Variants in NRG3 observed in about 807,000 individuals in gnomAD.
NRG3 encodes the protein neuregulin 3.
Under a neutral mutation model 66.9 loss-of-function variants are expected in NRG3, and 31 were observed. The observed-to-expected ratio is 0.46, with a 90% CI of 0.35 to 0.63. The LOEUF (loss-of-function observed/expected upper bound fraction) is 0.63, where lower values mean the gene tolerates loss of function less well. Ranked by LOEUF, NRG3 falls within the 20% of genes least tolerant of loss-of-function variation. The pLI, the probability that NRG3 is intolerant of heterozygous loss-of-function variation, is 0.00. For missense variants in NRG3, 910 were observed against 878.9 expected (o/e 1.04, Z -0.45); for synonymous variants, 393 against 359.4 (o/e 1.09, Z -1.06).
chr10:82,233,034 G>T (rs532529771), intron 1 of NRG3: 21 of 522,212 alleles, frequency 4.0e-5, no homozygotes, highest in African/African-American at 3.2e-4. Flanking sequence ...CTCTGGGTTG[G>T]TTAGTTTGCG....
intron 1 of NRG3, among the ~76,000 whole-genome samples, chr10:82,306,264 A>T (rs1333789973): frequency 6.6e-6 from 1 of 152,196 alleles, no homozygotes; most frequent in Non-Finnish European, 1.5e-5. Flanking sequence ...GGGCTTTCAC[A>T]TTACAATTAT....
At chr10:82,418,376 AAATTAACCAGTTTATGCAAATGTTTATGC>A (rs1457880344) in intron 2 of NRG3, among the ~76,000 whole-genome samples, 4 of 145,754 alleles carry the variant, frequency 2.7e-5, no homozygotes, top group Non-Finnish European at 4.6e-5. Flanking sequence ...ATGTAATAAA[AAATTAACCAGTTTATGCAAATGTTTATGC>A]AAATTAACCA....
chr10:82,384,454 A>T (rs1564862168), intron 2 of NRG3, among the ~76,000 whole-genome samples: 1 of 152,014 alleles, frequency 6.6e-6, no homozygotes, highest in Non-Finnish European at 1.5e-5. Context: ...TGACAGGCCC[A>T]AGTGTGTGTT....
chr10:82,439,910 T>C (rs1200607943), intron 2 of NRG3, among the ~76,000 whole-genome samples: 2 of 152,062 alleles, frequency 1.3e-5, no homozygotes, highest in African/African-American at 4.8e-5. Context: ...TTATTGTTGT[T>C]ACTTTAGCTA....
intron 2 of NRG3, among the ~76,000 whole-genome samples, chr10:82,483,781 G>A (rs780633377): frequency 4.6e-5 from 7 of 152,170 alleles, no homozygotes; most frequent in Non-Finnish European, 1.0e-4. Context: ...GCACCTGAGC[G>A]TCCTGGTGGA....
In NRG3 at chr10:82,958,983, G is replaced by A. The variant is rs1483271224; in HGVS notation, c.1192G>A (p.Val398Met). The A allele has an allele frequency of 1.5e-5, 24 of 1,604,550 alleles. No homozygotes were observed. Among genetic ancestry groups the A allele is most frequent in the Middle Eastern group, 1.7e-4 (1 of 5,986 alleles). Residue 398 changes from valine to methionine, a missense_variant, in exon 6 of 9, where the codon GTG becomes ATG. Val to Met is a conservative substitution (Grantham distance 21). Transcript: ENST00000372141. ...TAAACAAATCCAAGAGCAGCTGAAA[G>A]TGCCACAAAATGGTAAAAGCTACAG... ...QAKQIQEQLK[V>M]PQNGKSYSLK...
At chr10:82,827,783 A>C (rs1384190413) in intron 3 of NRG3, among the ~76,000 whole-genome samples, 1 of 152,248 alleles carries the variant, frequency 6.6e-6, no homozygotes, top group East Asian at 1.9e-4. Flanking sequence ...AGACAAAAAC[A>C]GAATAAAGTG....
intron 2 of NRG3, among the ~76,000 whole-genome samples, chr10:82,597,919 CAAAA>C (rs113523358): frequency 1.6e-5 from 2 of 128,532 alleles, no homozygotes; most frequent in African/African-American, 2.8e-5. Context: ...GACTCCCTCT[CAAAA>C]AAAAAAAAAA....
chr10:81,905,592 G>C (rs1844525833), intron 1 of NRG3, among the ~76,000 whole-genome samples: 1 of 152,202 alleles, frequency 6.6e-6, no homozygotes, highest in Non-Finnish European at 1.5e-5. Context: ...CATAACTTGA[G>C]AGACCTGGAC....
At chr10:82,329,212 G>C (rs1011354150) in intron 1 of NRG3, among the ~76,000 whole-genome samples, 2 of 152,106 alleles carry the variant, frequency 1.3e-5, no homozygotes, top group Non-Finnish European at 2.9e-5. Flanking sequence ...ACTTTATTGA[G>C]GAGCTGTCAA....
intron 3 of NRG3, among the ~76,000 whole-genome samples, chr10:82,862,553 A>T (rs1358004760): frequency 6.6e-6 from 1 of 152,136 alleles, no homozygotes; most frequent in Non-Finnish European, 1.5e-5. Flanking sequence ...TTTTATGAAT[A>T]TGTCTGTACA....
chr10:82,488,277 G>A (rs10787150), intron 2 of NRG3, among the ~76,000 whole-genome samples: 95,812 of 151,870 alleles, frequency 0.63, 32,218 homozygotes, highest in South Asian at 0.79. Context: ...ACTCTTCACA[G>A]CCATCTTCCA....
intron 1 of NRG3, among the ~76,000 whole-genome samples, chr10:81,970,010 G>A (rs1050509874): frequency 2.6e-5 from 4 of 152,046 alleles, no homozygotes; most frequent in Admixed American, 6.6e-5. Context: ...CTATCATAGT[G>A]TAAGACATAT....
At chr10:82,140,337 G>C (rs929920094) in intron 1 of NRG3, among the ~76,000 whole-genome samples, 1 of 152,054 alleles carries the variant, frequency 6.6e-6, no homozygotes, top group African/African-American at 2.4e-5. Context: ...CAACTCCAGG[G>C]CAGAGGATCC....
At chr10:82,794,602 T>A (rs536570512) in intron 3 of NRG3, among the ~76,000 whole-genome samples, 1 of 152,280 alleles carries the variant, frequency 6.6e-6, no homozygotes, top group African/African-American at 2.4e-5. Context: ...AGCATGTTAA[T>A]TGTAGGCACT....
intron 2 of NRG3, among the ~76,000 whole-genome samples, chr10:82,688,857 T>A (rs1479908779): frequency 6.6e-6 from 1 of 152,120 alleles, no homozygotes; most frequent in Non-Finnish European, 1.5e-5. Flanking sequence ...GTATTATAGG[T>A]TGATTACTGC....
rs574607015 is a variant in NRG3 at position 82,425,635 on chromosome 10, A to G, written c.953+66767A>G. On this transcript the variant is annotated intron_variant, in intron 2 of 8. Transcript: ENST00000372141. ...TTTGTTTTCTTTTGGTGTGACTTGT[A>G]ATTATTTTGTTGAAAGCCACACACG... is the stretch of plus-strand genomic sequence containing the variant. Among the ~76,000 whole-genome samples, 4 of 152,148 alleles carry G rather than the reference A, an allele frequency of 2.6e-5. No homozygotes were observed. In the East Asian group the frequency reaches 7.7e-4, roughly 29 times the overall value.
At chr10:82,929,299 A>G (rs1847323253) in intron 4 of NRG3, among the ~76,000 whole-genome samples, 1 of 152,164 alleles carries the variant, frequency 6.6e-6, no homozygotes, top group Non-Finnish European at 1.5e-5. Context: ...GTTCTCTCCT[A>G]AAATGAAGTT....
chr10:82,098,323 C>A (rs1590102547), intron 1 of NRG3, among the ~76,000 whole-genome samples: 1 of 149,590 alleles, frequency 6.7e-6, no homozygotes, highest in African/African-American at 2.5e-5. Context: ...TAGATGTCAT[C>A]TATATATATG....
Sources: gnomAD v4.1 joint callset for allele counts (sites outside exome capture counted in the v4.1 genomes callset) on GRCh38, gnomAD v4.1.1 for gene constraint, MANE v1.5 for transcripts, NCBI Gene and HGNC (gene_info 2026-07-23, HGNC 2026-07-21) for gene names.